The following TRAT1 variants were observed in gnomAD, a reference collection of about 807,000 sequenced individuals.
The protein encoded by TRAT1 is T-cell receptor-associated transmembrane adapter 1.
Under a neutral mutation model 20.0 loss-of-function variants are expected in TRAT1, and 20 were observed. That is an observed-to-expected ratio of 1.00 (90% CI 0.70 to 1.45). TRAT1 has a LOEUF of 1.45. Ranked by LOEUF, TRAT1 falls within the 40% of genes most tolerant of loss-of-function variation. TRAT1 has a pLI of 0.00. For synonymous variants in TRAT1, 77 were observed against 74.2 expected, an observed-to-expected ratio of 1.04 and a Z score of -0.20; for missense variants, 237 against 224.1, an observed-to-expected ratio of 1.06 and a Z score of -0.37.
At chr3:108,844,221 A>G (rs908274420) in intron 3 of TRAT1, among the ~76,000 whole-genome samples, 1 of 152,240 alleles carries the variant, frequency 6.6e-6, no homozygotes, top group Non-Finnish European at 1.5e-5. Context: ...TTGGGAACTG[A>G]AAAGAACAAT....
In TRAT1 at chr3:108,827,630, T is replaced by G. The variant is rs1044816277; in HGVS notation, c.8-3040T>G. Among the ~76,000 whole-genome samples, 4 of 152,184 alleles carry G rather than the reference T, an allele frequency of 2.6e-5. No individual in the cohort carries two copies. In the South Asian group the frequency reaches 6.2e-4, roughly 24 times the overall value. On this transcript the variant is annotated intron_variant, in intron 1 of 5. Transcript: ENST00000295756. ...AAATTTATGTATTATTTTTAAAAAC[T>G]TGGAAAACAGAAGTGTCAGGAATTA... is the stretch of plus-strand genomic sequence containing the variant.
At chr3:108,836,402 A>G (rs1945842734) in intron 2 of TRAT1, among the ~76,000 whole-genome samples, 1 of 152,056 alleles carries the variant, frequency 6.6e-6, no homozygotes, top group South Asian at 2.1e-4. Flanking sequence ...TTTTGTTTTC[A>G]ATGTTTTTGC....
chr3:108,837,276 T>C (rs1945849183), intron 2 of TRAT1, among the ~76,000 whole-genome samples: 1 of 152,220 alleles, frequency 6.6e-6, no homozygotes, highest in African/African-American at 2.4e-5. Context: ...TTCTGACATA[T>C]TCCAAATGGA....
chr3:108,835,688 C>T (rs1220712107), intron 2 of TRAT1, among the ~76,000 whole-genome samples: 2 of 152,140 alleles, frequency 1.3e-5, no homozygotes, highest in Non-Finnish European at 2.9e-5. Flanking sequence ...CAGGTGCTCC[C>T]TTTAACCATT....
intron 5 of TRAT1, among the ~76,000 whole-genome samples, chr3:108,850,033 C>A (rs773535112): frequency 1.8e-4 from 27 of 152,180 alleles, no homozygotes; most frequent in African/African-American, 6.5e-4. Context: ...GCAATTTTTA[C>A]GTGTTGGTCT....
Position 108,853,905 on chromosome 3 carries a change from G to C in TRAT1, c.*28G>C. The C allele has an allele frequency of 1.2e-6, 2 of 1,606,250 alleles. No individual in the cohort carries two copies. The highest frequency in any genetic ancestry group is 1.7e-6 in the Non-Finnish European group (2 of 1,174,894). On this transcript the variant is annotated 3_prime_UTR_variant, in exon 6 of 6. Transcript: ENST00000295756. ...GGACCATGATCTAGTTCAATGATTT[G>C]GCTCCTATTGAAGATGGCTTCTAAG... is the stretch of plus-strand genomic sequence containing the variant.
At chr3:108,824,836 A>G (rs1352952608) in intron 1 of TRAT1, among the ~76,000 whole-genome samples, 1 of 152,240 alleles carries the variant, frequency 6.6e-6, no homozygotes, top group Non-Finnish European at 1.5e-5. Flanking sequence ...GCTGATGATG[A>G]TGGGGAACTC....
At chr3:108,849,416 C>G (rs77399006) in intron 5 of TRAT1, among the ~76,000 whole-genome samples, 162 bp downstream of exon 5, 3,720 of 152,210 alleles carry the variant, frequency 0.024, 145 homozygotes, top group African/African-American at 0.082. Flanking sequence ...AGAACTCAAA[C>G]CATATTCAAA....
intron 3 of TRAT1, among the ~76,000 whole-genome samples, chr3:108,841,626 C>A (rs1945897654): frequency 6.6e-6 from 1 of 152,128 alleles, no homozygotes; most frequent in Non-Finnish European, 1.5e-5. Flanking sequence ...CTATTCAATA[C>A]TGGCTTATGC....
At chr3:108,841,947 A>G (rs1161548741) in intron 3 of TRAT1, among the ~76,000 whole-genome samples, 1 of 152,294 alleles carries the variant, frequency 6.6e-6, no homozygotes, top group South Asian at 2.1e-4. Flanking sequence ...GGAAATGAGC[A>G]TTGGTGAAAT....
At chr3:108,834,537 T>C (rs1002459642) in intron 2 of TRAT1, among the ~76,000 whole-genome samples, 2 of 152,250 alleles carry the variant, frequency 1.3e-5, no homozygotes, top group African/African-American at 4.8e-5. Flanking sequence ...GAAGACTTCC[T>C]GCCTTATTTC....
At chr3:108,851,018 T>A (rs1288781296) in intron 5 of TRAT1, among the ~76,000 whole-genome samples, 1 of 152,200 alleles carries the variant, frequency 6.6e-6, no homozygotes, top group Non-Finnish European at 1.5e-5. Flanking sequence ...TAGTCTTTTC[T>A]ATTATACTAT....
At position 108,854,698 on chromosome 3, in the gene TRAT1, T is replaced by C. The variant is rs1264552616; in HGVS notation, c.*821T>C. ...TTATTTTCACTGTTATATTTAACTA[T>C]ATATAAATACGCATATATTGTAATT... On this transcript the variant is annotated 3_prime_UTR_variant, in exon 6 of 6. Coordinates refer to ENST00000295756, the MANE Select transcript of TRAT1 (RefSeq NM_016388.4). 6.6e-6 allele frequency: 1 copy of C among 152,162 alleles called. No individual in the cohort carries two copies. Among genetic ancestry groups the C allele is most frequent in the Non-Finnish European group, 1.5e-5 (1 of 68,000 alleles). 9.4% of individuals were successfully genotyped at this position (152,162 alleles called of 1,614,324 possible).
Position 108,853,852 on chromosome 3 carries a change from G to A in TRAT1, c.536G>A (p.Arg179His), listed in dbSNP as rs79029897. Residue 179 changes from arginine (R) to histidine (H), a missense_variant, in exon 6 of 6, where the codon CGT becomes CAT. Arg to His is a conservative substitution (Grantham distance 29). Transcript: ENST00000295756. ...CCCATCAGACTGTTTGGATTGATCCGTGCTAAGAGAGAACCTATAAACTAG... is the reference window on the plus strand; with the variant it reads ...CCCATCAGACTGTTTGGATTGATCCATGCTAAGAGAGAACCTATAAACTAG... Reference protein sequence around the residue: ...DDPIRLFGLIRAKREPIN With the variant: ...DDPIRLFGLIHAKREPIN 580 of 1,613,954 alleles carry A rather than the reference G, an allele frequency of 3.6e-4. No individual in the cohort carries two copies. The highest frequency in any genetic ancestry group is 4.7e-4 in the Non-Finnish European group (550 of 1,179,908).
chr3:108,835,724 A>G (rs927308268), intron 2 of TRAT1, among the ~76,000 whole-genome samples: 2 of 152,068 alleles, frequency 1.3e-5, no homozygotes, highest in African/African-American at 2.4e-5. Flanking sequence ...TTTCCCCCCA[A>G]ATTGGTTTAG....
At chr3:108,846,961 C>G in intron 3 of TRAT1, 107 bp from the exon 4 acceptor site, 2 of 797,772 alleles carry the variant, frequency 2.5e-6, no homozygotes, top group Non-Finnish European at 4.2e-6. Context: ...CTGGGGGTAA[C>G]CAAGAATAGG....
chr3:108,827,819 A>C (rs552317271), intron 1 of TRAT1, among the ~76,000 whole-genome samples: 1 of 152,246 alleles, frequency 6.6e-6, no homozygotes, highest in African/African-American at 2.4e-5. Context: ...ACCCTAAAGA[A>C]ATGTACAGTG....
intron 3 of TRAT1, 152 bp from the exon 4 acceptor site, chr3:108,846,916 A>G: frequency 1.7e-6 from 1 of 593,698 alleles, no homozygotes; most frequent in South Asian, 1.9e-5. Flanking sequence ...GCACGTGTTC[A>G]CTCACTTGCA....
In TRAT1 at chr3:108,854,796, A is replaced by T. The variant is rs1479332531; in HGVS notation, c.*919A>T. 6.6e-6 allele frequency: 1 copy of T among 152,174 alleles called. No individual in the cohort carries two copies. Among genetic ancestry groups the T allele is most frequent in the Admixed American group, 6.6e-5 (1 of 15,266 alleles). 9.4% of individuals were successfully genotyped at this position (152,174 alleles called of 1,614,324 possible). On this transcript the variant is annotated 3_prime_UTR_variant, in exon 6 of 6. Coordinates refer to ENST00000295756, the MANE Select transcript of TRAT1 (RefSeq NM_016388.4). ...AAATAATTTTAATGACTTTTCAAAA[A>T]CAATTTATTGATGCAAAAAGCAAGG...
Sources: gnomAD v4.1 joint callset for allele counts (sites outside exome capture counted in the v4.1 genomes callset) on GRCh38, gnomAD v4.1.1 for gene constraint, MANE v1.5 for transcripts, NCBI Gene and HGNC (gene_info 2026-07-23, HGNC 2026-07-21) for gene names.